Variants in VRK1 observed in about 807,000 individuals in gnomAD.
VRK1 encodes VRK serine/threonine kinase 1.
A neutral mutation model predicts 57.1 loss-of-function variants in VRK1; 33 were observed. The observed-to-expected ratio is 0.58, with a 90% confidence interval of 0.44 to 0.77. VRK1 has a LOEUF of 0.77. Among genes scored for constraint, VRK1 ranks in the 30% least tolerant of loss-of-function variants. The probability of loss-of-function intolerance (pLI) is 0.00; values close to 1 mark genes in which losing one functional copy is unlikely to be tolerated. For missense variants in VRK1, 413 were observed against 477.3 expected (o/e 0.87, Z 1.25); for synonymous variants, 137 against 147.8 (o/e 0.93, Z 0.53).
intron 1 of VRK1, among the ~76,000 whole-genome samples, chr14:96,808,826 C>A (rs528898073): frequency 1.2e-4 from 18 of 152,288 alleles, no homozygotes; most frequent in African/African-American, 3.9e-4. Context: ...ACACACCACT[C>A]CAAACTTACT....
intron 1 of VRK1, among the ~76,000 whole-genome samples, chr14:96,828,547 A>G (rs971752045): frequency 2.0e-5 from 3 of 152,196 alleles, no homozygotes; most frequent in Non-Finnish European, 4.4e-5. Flanking sequence ...ATTCTTATGA[A>G]TATCAGTCTT....
rs182354905 is a variant in VRK1 at position 96,848,111 on chromosome 14, A to G, written c.374+767A>G. Among the ~76,000 whole-genome samples, 35 of 152,156 alleles carry G rather than the reference A, an allele frequency of 2.3e-4. No individual in the cohort carries two copies. The East Asian group carries it at 6.8e-3, about 29-fold the overall frequency. ...CAGCTGCAAGTAAAGGAAAACTTTG[A>G]CTCAGGCAGTCATCAAGGGCCCAGG... On this transcript the variant is annotated intron_variant, in intron 5 of 12. Coordinates refer to ENST00000216639, the MANE Select transcript of VRK1 (RefSeq NM_003384.3).
intron 1 of VRK1, among the ~76,000 whole-genome samples, chr14:96,828,134 C>T (rs139619859): frequency 7.1e-4 from 102 of 143,652 alleles, no homozygotes; most frequent in African/African-American, 2.4e-3. Flanking sequence ...TATGTCCATC[C>T]GTCTTACTAT....
At chr14:96,797,498 G>T in intron 1 of VRK1, 51 bp downstream of exon 1, 1 of 152,416 alleles carries the variant, frequency 6.6e-6, no homozygotes, top group Non-Finnish European at 1.5e-5. Flanking sequence ...CCGAGCCGGG[G>T]GCGCGGAGGC....
At chr14:96,875,020 C>T (rs150136343) in intron 11 of VRK1, among the ~76,000 whole-genome samples, 2,119 of 152,162 alleles carry the variant, frequency 0.014, 21 homozygotes, top group South Asian at 0.042. Context: ...TGGGGCATGT[C>T]GGATGGTTTT....
chr14:96,829,130 A>G (rs1418612671), intron 1 of VRK1, among the ~76,000 whole-genome samples: 1 of 152,206 alleles, frequency 6.6e-6, no homozygotes, highest in Non-Finnish European at 1.5e-5. Context: ...TAATAATTCA[A>G]AAGAAAAATG....
chr14:96,817,451 T>C (rs1319233772), intron 1 of VRK1, among the ~76,000 whole-genome samples: 1 of 152,178 alleles, frequency 6.6e-6, no homozygotes, highest in African/African-American at 2.4e-5. Flanking sequence ...TTTGTGTGTT[T>C]AGAAAAATCT....
intron 2 of VRK1, among the ~76,000 whole-genome samples, chr14:96,835,471 T>C (rs1470367184): frequency 1.3e-5 from 2 of 152,200 alleles, no homozygotes; most frequent in South Asian, 2.1e-4. Context: ...CTGAGTGATA[T>C]CAGGCTTCTC....
chr14:96,805,718 GAAAA>G (rs1256490292), intron 1 of VRK1, among the ~76,000 whole-genome samples: 1 of 152,018 alleles, frequency 6.6e-6, no homozygotes, highest in Admixed American at 6.5e-5. Context: ...ATTCCATTAA[GAAAA>G]AAATCAGTGA....
intron 12 of VRK1, chr14:96,877,314 G>A (rs941487467): frequency 4.2e-5 from 14 of 332,934 alleles, no homozygotes; most frequent in African/African-American, 2.8e-4. Flanking sequence ...TACATATTAT[G>A]GTTAGAACAT....
rs140144514 is a variant in VRK1 at position 96,804,954 on chromosome 14, A to C, written c.-6+7507A>C. Reference sequence around the variant, plus strand: ...TTATGCTACTGTTATTAAGTTGTACATTTGGGAAAAAGAGTAGTTTCCGTT... The same window carrying C: ...TTATGCTACTGTTATTAAGTTGTACCTTTGGGAAAAAGAGTAGTTTCCGTT... On this transcript the variant is annotated intron_variant, in intron 1 of 12. Coordinates refer to ENST00000216639, the MANE Select transcript of VRK1 (RefSeq NM_003384.3). Among the ~76,000 whole-genome samples the C allele has an allele frequency of 8.1e-4, 123 of 152,342 alleles. 1 individual carries two copies. Among genetic ancestry groups the C allele is most frequent in the African/African-American group, 2.8e-3 (115 of 41,576 alleles).
chr14:96,877,093 T>C (rs369904501), intron 12 of VRK1, among the ~76,000 whole-genome samples: 16 of 152,188 alleles, frequency 1.1e-4, no homozygotes, highest in African/African-American at 3.6e-4. Flanking sequence ...ATTATTATTT[T>C]GTTTGTCCTG....
chr14:96,833,430 A>T (rs745746897), intron 1 of VRK1, 37 bp from the exon 2 acceptor site: 10 of 1,611,312 alleles, frequency 6.2e-6, no homozygotes, highest in Non-Finnish European at 6.8e-6. Context: ...CACTTCTAAG[A>T]TTAGAATTCT....
intron 12 of VRK1, among the ~76,000 whole-genome samples, chr14:96,878,975 T>C (rs1250681290): frequency 3.9e-5 from 6 of 152,180 alleles, no homozygotes; most frequent in Non-Finnish European, 8.8e-5. Flanking sequence ...TTGTTGGTAT[T>C]ATTTTTAAGA....
intron 10 of VRK1, among the ~76,000 whole-genome samples, chr14:96,858,586 A>C (rs975497801): frequency 6.6e-6 from 1 of 152,186 alleles, no homozygotes; most frequent in African/African-American, 2.4e-5. Context: ...AGGAGGGGTC[A>C]TGTATCTTTC....
At chr14:96,810,960 T>TG (rs199991038) in intron 1 of VRK1, among the ~76,000 whole-genome samples, 2,218 of 152,076 alleles carry the variant, frequency 0.015, 62 homozygotes, top group African/African-American at 0.051. Context: ...TTTTTTGAGA[T>TG]GGAGTGTCAC....
At position 96,855,306 on chromosome 14, in the gene VRK1, G is replaced by T. The variant is rs1473903180; in HGVS notation, c.659G>T (p.Cys220Phe). The part of the protein sequence containing the change: ...HKEYKEDPKR[C>F]HDGTIEFTSI... Reference sequence around the variant, plus strand: ...GAATACAAAGAAGACCCCAAAAGATGTCACGATGGCACTATTGAATTCACG... The same window carrying T: ...GAATACAAAGAAGACCCCAAAAGATTTCACGATGGCACTATTGAATTCACG... The change falls in exon 8 of 13, where the codon TGT (cysteine) becomes TTT (phenylalanine). Residue 220 changes from cysteine (C) to phenylalanine (F), a missense_variant. Around this residue, in one of 3 missense-constraint regions of VRK1, gnomAD observed 151 missense variants for 225.5 expected, o/e 0.67. Transcript: ENST00000216639. 4.3e-6 allele frequency: 7 copies of T among 1,614,078 alleles called. No individual in the cohort carries two copies. The South Asian group carries it at 7.7e-5, about 18-fold the overall frequency.
At chr14:96,876,267 CTT>C in intron 12 of VRK1, 147 bp downstream of exon 12, 1 of 744,590 alleles carries the variant, frequency 1.3e-6, no homozygotes, top group East Asian at 2.6e-5. Flanking sequence ...TGTATTGTGT[CTT>C]TTGTACACAG....
chr14:96,855,560 G>T (rs968036934), intron 8 of VRK1, among the ~76,000 whole-genome samples: 2 of 152,164 alleles, frequency 1.3e-5, no homozygotes, highest in African/African-American at 4.8e-5. Flanking sequence ...TTTCCTCGCA[G>T]CCTTCAAAGA....
Sources: gnomAD v4.1 joint callset for allele counts (sites outside exome capture counted in the v4.1 genomes callset) on GRCh38, gnomAD v4.1.1 for gene constraint, gnomAD v4.1.1 regional missense constraint, MANE v1.5 for transcripts, NCBI Gene and HGNC (gene_info 2026-07-23, HGNC 2026-07-21) for gene names.